The following ATP8B1 variants were observed in gnomAD, a reference collection of about 807,000 sequenced individuals.
The protein encoded by ATP8B1 is ATPase phospholipid transporting 8B1.
In ATP8B1, 80 loss-of-function variants were observed where a neutral mutation model predicts 149.9. The ratio of observed to expected loss-of-function variants is 0.53; its 90% CI spans 0.45 to 0.64. The LOEUF (loss-of-function observed/expected upper bound fraction) is 0.64. ATP8B1 is among the 30% of genes least tolerant of loss of function. ATP8B1 has a pLI of 0.00. For missense variants in ATP8B1, 1,247 were observed against 1,552.6 expected (o/e 0.80, Z 3.31); for synonymous variants, 536 against 562.8 (o/e 0.95, Z 0.67).
intron 2 of ATP8B1, among the ~76,000 whole-genome samples, chr18:57,728,518 G>A (rs935063707): frequency 2.6e-5 from 4 of 152,090 alleles, no homozygotes; most frequent in Admixed American, 6.6e-5. Flanking sequence ...CAGGGCACAT[G>A]GGAAATGGGA....
In ATP8B1 at chr18:57,652,126, A is replaced by G. The variant is rs752920462; in HGVS notation, c.3308T>C (p.Ile1103Thr). ...AAAATAAAGTGCAATGCTTCCAAAA[A>G]TTGAAAAAGCATTCACAAAAGTCCA... ...SYWTFVNAFSIFGSIALYFGI... is the reference protein window; with the variant it reads ...SYWTFVNAFSTFGSIALYFGI... Residue 1103 changes from isoleucine to threonine, a missense_variant, in exon 26 of 28, where the codon ATT (isoleucine) becomes ACT (threonine). Around this residue, in one of 3 missense-constraint regions of ATP8B1, gnomAD observed 230 missense variants for 356.6 expected, o/e 0.65. Transcript: ENST00000648908. The G allele has an allele frequency of 6.2e-7, 1 of 1,614,150 alleles. No individual in the cohort carries two copies. The highest frequency in any genetic ancestry group is 8.5e-7 in the Non-Finnish European group (1 of 1,179,968).
intron 12 of ATP8B1, among the ~76,000 whole-genome samples, chr18:57,688,865 C>T (rs1912390699): frequency 6.6e-6 from 1 of 152,168 alleles, no homozygotes; most frequent in Non-Finnish European, 1.5e-5. Flanking sequence ...CCTGAATCTG[C>T]CGATGCTTTG....
chr18:57,661,360 T>G lies in ATP8B1; in HGVS notation c.2521A>C (p.Arg841=), dbSNP rs149156534. The change falls in exon 22 of 28, where the codon AGG becomes CGG. Residue 841 remains arginine, a synonymous_variant. Coordinates refer to ENST00000648908, the MANE Select transcript of ATP8B1 (RefSeq NM_001374385.1). ...CGCTGCTCTTTCTTAGCTTCTAGCC[T>G]CCTTTTACTTTGGGTCCGCATCCGT... ...ERRMRTQSKR[R]LEAKKEQRQK... is the part of the protein sequence containing the mutation. The G allele has an allele frequency of 8.7e-6, 14 of 1,613,916 alleles. No homozygotes were observed. In the African/African-American group the frequency reaches 1.7e-4, roughly 20 times the overall value.
intron 2 of ATP8B1, among the ~76,000 whole-genome samples, chr18:57,723,155 A>G (rs993023365): frequency 6.7e-6 from 1 of 150,180 alleles, no homozygotes; most frequent in African/African-American, 2.5e-5. Flanking sequence ...CTGAATGGGG[A>G]AAAACTGGAA....
chr18:57,700,030 C>T (rs1913042658), intron 6 of ATP8B1, among the ~76,000 whole-genome samples: 1 of 152,168 alleles, frequency 6.6e-6, no homozygotes, highest in Admixed American at 6.5e-5. Flanking sequence ...AGGGGGCCTC[C>T]TCAGAGGAAA....
rs77317429 is a variant in ATP8B1 at position 57,662,537 on chromosome 18, T to G, written c.2364A>C (p.Glu788Asp). ...GGTTTCCACCGGGTGGAAAAAAAGA[T>G]TCCTGCACAGGAGGTGCAAACTTTG... ...VYAKFAPPVQ[E>D]SFFPPGGNRA... Residue 788 changes from glutamate to aspartate, a missense_variant, in exon 21 of 28, where the codon GAA (glutamate) becomes GAC (aspartate). Physicochemically the swap from Glu to Asp is conservative, Grantham distance 45. This residue lies in a region of ATP8B1 where 853 missense variants were observed against 1,035.7 expected (regional missense o/e 0.82). Transcript: ENST00000648908. The G allele has an allele frequency of 1.3e-5, 21 of 1,614,134 alleles. No individual in the cohort carries two copies. In the East Asian group the frequency reaches 4.7e-4, roughly 36 times the overall value.
At chr18:57,732,135 G>GTGTATATATGTA (rs2079775790) in intron 1 of ATP8B1, 1 of 43,516 alleles carries the variant, frequency 2.3e-5, no homozygotes, top group Admixed American at 2.7e-4. Context: ...ATGTGTATAT[G>GTGTATATATGTA]TATATATGTG....
intron 1 of ATP8B1, among the ~76,000 whole-genome samples, chr18:57,732,181 GTA>G (rs2079780351): frequency 2.0e-5 from 2 of 99,668 alleles, no homozygotes; most frequent in South Asian, 3.6e-4. Context: ...GTATATATGT[GTA>G]TATATGTATA....
chr18:57,732,169 A>ATGTGTATATATG (rs367743944), intron 1 of ATP8B1: 4 of 112,610 alleles, frequency 3.6e-5, no homozygotes, highest in African/African-American at 1.0e-4. Flanking sequence ...ATATGTATAT[A>ATGTGTATATATG]TGTATATATG....
Position 57,655,456 on chromosome 18 carries a change from C to T in ATP8B1, c.2708-39G>A, listed in dbSNP as rs370202394. 1.4e-4 allele frequency: 216 copies of T among 1,571,056 alleles called. 1 individual carries two copies. The highest frequency in any genetic ancestry group is 8.9e-4 in the South Asian group (80 of 90,160). ...GGAGAAAACACTGTGGATCATAAAC[C>T]GATTGTGAGGCAAAACATCAGTTGA... On this transcript the variant is annotated intron_variant, in intron 22 of 27. Transcript: ENST00000648908.
At chr18:57,778,752 G>C (rs2080333144) in intron 1 of ATP8B1, among the ~76,000 whole-genome samples, 1 of 152,160 alleles carries the variant, frequency 6.6e-6, no homozygotes, top group African/African-American at 2.4e-5. Flanking sequence ...CCATGGGGCA[G>C]CTGGCTTCTC....
chr18:57,795,528 A>G (rs985189457), intron 1 of ATP8B1, among the ~76,000 whole-genome samples: 2 of 152,226 alleles, frequency 1.3e-5, no homozygotes, highest in Non-Finnish European at 2.9e-5. Context: ...TTCAGCCCTA[A>G]AAAAGGAAGG....
At chr18:57,723,145 C>T (rs2079665683) in intron 2 of ATP8B1, among the ~76,000 whole-genome samples, 1 of 150,496 alleles carries the variant, frequency 6.6e-6, no homozygotes, top group African/African-American at 2.5e-5. Context: ...CAATATCATA[C>T]TGAATGGGGA....
chr18:57,775,270 C>T (rs2123391098), intron 1 of ATP8B1, among the ~76,000 whole-genome samples: 1 of 151,908 alleles, frequency 6.6e-6, no homozygotes, highest in South Asian at 2.1e-4. Context: ...GAGCAATGAT[C>T]ATGTCATTGC....
intron 1 of ATP8B1, among the ~76,000 whole-genome samples, chr18:57,745,595 T>C (rs1260600244): frequency 6.6e-6 from 1 of 151,954 alleles, no homozygotes; most frequent in Non-Finnish European, 1.5e-5. Flanking sequence ...TTGGCGTCAT[T>C]AGTTATAAAA....
At chr18:57,655,552 T>A in intron 22 of ATP8B1, 135 bp from the exon 23 acceptor site, 1 of 782,816 alleles carries the variant, frequency 1.3e-6, no homozygotes, top group East Asian at 2.7e-5. Context: ...AAGCTCTTGC[T>A]CACCATCCCT....
intron 1 of ATP8B1, among the ~76,000 whole-genome samples, chr18:57,768,426 G>GA (rs905998194): frequency 2.3e-5 from 3 of 129,772 alleles, no homozygotes; most frequent in African/African-American, 8.7e-5. Context: ...GAAAAGAAAA[G>GA]AAAAAAAAGA....
intron 1 of ATP8B1, among the ~76,000 whole-genome samples, chr18:57,770,132 G>C (rs1433736861): frequency 6.7e-6 from 1 of 149,328 alleles, no homozygotes; most frequent in Non-Finnish European, 1.5e-5. Context: ...GCAGTGGTGC[G>C]ATCTCAGCTC....
chr18:57,676,145 G>T (rs1165151975), intron 15 of ATP8B1, among the ~76,000 whole-genome samples: 2 of 152,088 alleles, frequency 1.3e-5, no homozygotes, highest in African/African-American at 4.8e-5. Context: ...CTCTAAAAAA[G>T]TATGTTTTCT....
Sources: allele counts gnomAD v4.1 joint callset (sites outside exome capture counted in the v4.1 genomes callset), GRCh38; gene constraint gnomAD v4.1.1; regional missense constraint gnomAD v4.1.1; transcripts MANE v1.5; gene names NCBI Gene and HGNC (gene_info 2026-07-23, HGNC 2026-07-21).